The following DNAH5 variants were observed in gnomAD, a reference collection of about 807,000 sequenced individuals.
The protein encoded by DNAH5 is axonemal beta dynein heavy chain 5.
Under a neutral mutation model 518.2 loss-of-function variants are expected in DNAH5, and 372 were observed. The observed-to-expected ratio is 0.72, with a 90% CI of 0.66 to 0.78. The LOEUF is 0.78. Among genes scored for constraint, DNAH5 ranks in the 30% least tolerant of loss-of-function variants. The pLI is 0.00. For missense variants in DNAH5, 5,523 were observed against 5,687.0 expected (o/e 0.97, Z 0.93); for synonymous variants, 2,039 against 2,025.9 (o/e 1.01, Z -0.17).
chr5:13,874,231 GAATT>G (rs1159393216), intron 22 of DNAH5, among the ~76,000 whole-genome samples: 2 of 152,180 alleles, frequency 1.3e-5, no homozygotes, highest in East Asian at 1.9e-4. Flanking sequence ...ATGGTTTGAA[GAATT>G]AATTACAGAT....
intron 70 of DNAH5, among the ~76,000 whole-genome samples, chr5:13,726,222 T>G (rs1305185005): frequency 6.6e-6 from 1 of 152,214 alleles, no homozygotes; most frequent in Non-Finnish European, 1.5e-5. Flanking sequence ...AGAACATTTA[T>G]CCAACAGGCC....
intron 53 of DNAH5, 128 bp from the exon 54 acceptor site, chr5:13,777,483 A>C (rs548875870): frequency 2.2e-4 from 151 of 700,866 alleles, no homozygotes; most frequent in Non-Finnish European, 3.0e-4. Flanking sequence ...ATACGTATGT[A>C]TTCTATATGA....
intron 47 of DNAH5, among the ~76,000 whole-genome samples, chr5:13,804,750 C>T (rs1759311655): frequency 6.6e-6 from 1 of 152,124 alleles, no homozygotes; most frequent in African/African-American, 2.4e-5. Flanking sequence ...ATAATGGGAG[C>T]CTAAGGAATA....
Position 13,788,810 on chromosome 5 carries a change from T to C in DNAH5, c.8553A>G (p.Val2851=), listed in dbSNP as rs1460579595. 1 of 1,614,098 alleles carries C rather than the reference T, an allele frequency of 6.2e-7. No homozygotes were observed. Among genetic ancestry groups the C allele is most frequent in the African/African-American group, 1.3e-5 (1 of 75,046 alleles). ...TWFDKALVSL[V]EEEFGEEKKL... is the part of the protein sequence containing the mutation. ...TTTTCTCTTCACCAAACTCCTCCTC[T>C]ACCAAACTTACTAAAGCCTTATCAA... The change falls in exon 51 of 79, where the codon GTA becomes GTG. Residue 2851 remains valine, a synonymous_variant. Transcript: ENST00000265104.
chr5:13,931,076 T>G, intron 2 of DNAH5, 34 bp downstream of exon 2: 1 of 1,613,882 alleles, frequency 6.2e-7, no homozygotes, highest in Non-Finnish European at 8.5e-7. Context: ...GTGCCCTCCA[T>G]CATCAAGTCA....
intron 2 of DNAH5, among the ~76,000 whole-genome samples, chr5:13,928,915 G>C (rs186642597): frequency 8.5e-5 from 13 of 152,300 alleles, no homozygotes; most frequent in African/African-American, 3.1e-4. Context: ...TGGTGGAGCC[G>C]TTGTGGAAAA....
chr5:13,900,631 C>T, intron 14 of DNAH5: 1 of 584,236 alleles, frequency 1.7e-6, no homozygotes, highest in East Asian at 3.0e-5. Flanking sequence ...TTCAATAAAA[C>T]CTTTCAATGA....
At chr5:13,708,368 A>G (rs1743067509) in intron 75 of DNAH5, 33 bp from the exon 76 acceptor site, 1 of 1,609,152 alleles carries the variant, frequency 6.2e-7, no homozygotes, top group Non-Finnish European at 8.5e-7. Flanking sequence ...ACATGTTAAC[A>G]ATTAGCTACT....
At chr5:13,986,197 G>A (rs1479572862) in intron 1 of DNAH5, among the ~76,000 whole-genome samples, 7 of 152,192 alleles carry the variant, frequency 4.6e-5, no homozygotes, top group Non-Finnish European at 7.3e-5. Flanking sequence ...AAGAGGAATC[G>A]CTGGGGAGTG....
intron 68 of DNAH5, among the ~76,000 whole-genome samples, chr5:13,732,840 A>T (rs1003709741): frequency 1.3e-5 from 2 of 152,176 alleles, no homozygotes; most frequent in African/African-American, 4.8e-5. Context: ...ATAACATTTT[A>T]AATTATGTTA....
intron 21 of DNAH5, among the ~76,000 whole-genome samples, chr5:13,877,655 T>C (rs1327058049): frequency 6.6e-6 from 1 of 152,118 alleles, no homozygotes; most frequent in Non-Finnish European, 1.5e-5. Flanking sequence ...GAGACACACT[T>C]GGACATGGAT....
At chr5:13,771,042 A>G in intron 55 of DNAH5, 62 bp from the exon 56 acceptor site, 1 of 1,364,100 alleles carries the variant, frequency 7.3e-7, no homozygotes, top group Non-Finnish European at 1.0e-6. Flanking sequence ...TTAAAAGTTA[A>G]CTGTTTATTT....
At chr5:13,752,569 A>C (rs149061394) in intron 63 of DNAH5, among the ~76,000 whole-genome samples, 1 of 152,228 alleles carries the variant, frequency 6.6e-6, no homozygotes, top group Non-Finnish European at 1.5e-5. Flanking sequence ...ACCTTCAAAT[A>C]TATGAAGAAG....
chr5:13,976,620 T>C (rs1782258850), intron 1 of DNAH5, among the ~76,000 whole-genome samples: 1 of 151,896 alleles, frequency 6.6e-6, no homozygotes, highest in Non-Finnish European at 1.5e-5. Context: ...TAATCTCTTA[T>C]TGTATCTAAT....
Position 13,817,543 on chromosome 5 carries a change from T to C in DNAH5, c.6988+5A>G. 1 of 1,613,964 alleles carries C rather than the reference T, an allele frequency of 6.2e-7. No individual in the cohort carries two copies. The highest frequency in any genetic ancestry group is 8.5e-7 in the Non-Finnish European group (1 of 1,179,828). ...CAAAAATAATCCTTGTAATTTATCT[T>C]CTACCTTTCTTTGCTCTTAATGTTT... On this transcript the variant is annotated splice_donor_5th_base_variant and intron_variant, in intron 42 of 78. Transcript: ENST00000265104.
At chr5:13,859,237 C>T (rs936824489) in intron 30 of DNAH5, among the ~76,000 whole-genome samples, 34 of 152,244 alleles carry the variant, frequency 2.2e-4, no homozygotes, top group Admixed American at 1.6e-3. Context: ...TATCAAACCT[C>T]CACAGTTTTA....
At chr5:13,829,430 G>T (rs1561370535) in intron 38 of DNAH5, 80 bp downstream of exon 38, 1 of 1,467,126 alleles carries the variant, frequency 6.8e-7, no homozygotes, top group East Asian at 2.3e-5. Context: ...GCCCAGTCTA[G>T]AATTTCTCAA....
intron 21 of DNAH5, among the ~76,000 whole-genome samples, chr5:13,881,437 A>C (rs1771669559): frequency 6.6e-6 from 1 of 152,044 alleles, no homozygotes; most frequent in African/African-American, 2.4e-5. Flanking sequence ...ATTACAACAA[A>C]TTTGATCTTA....
rs781177328 is a variant in DNAH5 at position 13,700,910 on chromosome 5, G to T, written c.13492-39C>A. On this transcript the variant is annotated intron_variant, in intron 77 of 78. Coordinates refer to ENST00000265104, the MANE Select transcript of DNAH5 (RefSeq NM_001369.3). ...CAAAAGATGAATGGAGCGGTTAGAG[G>T]TTTGTCTTAATAGAAAGAGCATAAC... 18 of 1,595,926 alleles carry T rather than the reference G, an allele frequency of 1.1e-5. No homozygotes were observed. The Middle Eastern group carries it at 6.6e-4, about 59-fold the overall frequency.
Sources: gnomAD v4.1 joint callset for allele counts (sites outside exome capture counted in the v4.1 genomes callset) on GRCh38, gnomAD v4.1.1 for gene constraint, MANE v1.5 for transcripts, NCBI Gene and HGNC (gene_info 2026-07-23, HGNC 2026-07-21) for gene names.